Variants in EYS observed in about 807,000 individuals in gnomAD.
The protein encoded by EYS is protein eyes shut homolog.
A neutral mutation model predicts 282.1 loss-of-function variants in EYS; 250 were observed. That is an observed-to-expected ratio of 0.89 (90% CI 0.80 to 0.98). The LOEUF (loss-of-function observed/expected upper bound fraction) is 0.98, where lower values mean the gene tolerates loss of function less well. EYS is among the 50% of genes least tolerant of loss of function. The pLI, the probability that EYS is intolerant of heterozygous loss-of-function variation, is 0.00. For missense variants in EYS, 4,016 were observed against 3,709.0 expected (o/e 1.08, Z -2.15); for synonymous variants, 1,355 against 1,282.9 (o/e 1.06, Z -1.20).
At chr6:65,008,167 A>G (rs1370145084) in intron 13 of EYS, among the ~76,000 whole-genome samples, 1 of 152,160 alleles carries the variant, frequency 6.6e-6, no homozygotes, top group Non-Finnish European at 1.5e-5. Context: ...AACTAGGAAG[A>G]CTATGAATTA....
At chr6:64,170,614 T>C (rs1234517801) in intron 31 of EYS, among the ~76,000 whole-genome samples, 1 of 150,758 alleles carries the variant, frequency 6.6e-6, no homozygotes, top group Non-Finnish European at 1.5e-5. Flanking sequence ...TCTCTCCTTA[T>C]AGCAGCACCA....
intron 26 of EYS, among the ~76,000 whole-genome samples, chr6:64,453,168 C>T (rs575993337): frequency 2.3e-4 from 35 of 149,392 alleles, no homozygotes; most frequent in African/African-American, 8.8e-4. Flanking sequence ...AAGAAAAAAA[C>T]AAACAACCCC....
At chr6:64,751,519 C>A (rs1278586844) in intron 22 of EYS, among the ~76,000 whole-genome samples, 1 of 152,192 alleles carries the variant, frequency 6.6e-6, no homozygotes, top group Non-Finnish European at 1.5e-5. Flanking sequence ...CCTGGTCCAG[C>A]TCCAGGCAGC....
At chr6:65,263,892 A>G (rs1767683364) in intron 12 of EYS, among the ~76,000 whole-genome samples, 2 of 152,058 alleles carry the variant, frequency 1.3e-5, no homozygotes. Flanking sequence ...AGCGTGGGCA[A>G]CACAGTAAGA....
At chr6:65,087,403 C>G (rs1774415710) in intron 12 of EYS, among the ~76,000 whole-genome samples, 1 of 152,098 alleles carries the variant, frequency 6.6e-6, no homozygotes, top group African/African-American at 2.4e-5. Context: ...TCTTAGTTTT[C>G]CTGTGTGCAG....
chr6:63,768,291 C>T (rs1446896658), intron 40 of EYS, among the ~76,000 whole-genome samples: 1 of 151,828 alleles, frequency 6.6e-6, no homozygotes, highest in African/African-American at 2.4e-5. Flanking sequence ...AACAGACAAC[C>T]TACAAAATGG....
rs533253632 is a variant in EYS at position 65,167,565 on chromosome 6, T to C, written c.2024-109838A>G. 3.6e-4 allele frequency among the ~76,000 whole-genome samples: 55 copies of C among 151,360 alleles called. 1 individual carries two copies. In the South Asian group the frequency reaches 0.011, roughly 29 times the overall value. ...ATGCCCAGGGGACTATATAGGTACA[T>C]GGATACACAGATATATAGATGGATT... On this transcript the variant is annotated intron_variant, in intron 12 of 42. Coordinates refer to ENST00000503581, the MANE Select transcript of EYS (RefSeq NM_001142800.2).
chr6:65,545,192 G>A (rs1314720959), intron 2 of EYS, among the ~76,000 whole-genome samples: 1 of 150,790 alleles, frequency 6.6e-6, no homozygotes, highest in Non-Finnish European at 1.5e-5. Context: ...CAAAGTTCTA[G>A]AATTACAGGT....
chr6:65,441,511 T>C (rs565113277), intron 5 of EYS, among the ~76,000 whole-genome samples: 1 of 152,038 alleles, frequency 6.6e-6, no homozygotes, highest in Non-Finnish European at 1.5e-5. Context: ...AAAAATTCAC[T>C]AAACAGTTAG....
rs1355756827 is a variant in EYS, at chr6:64,436,237, T to G, written c.5864A>C (p.Lys1955Thr). The change falls in exon 28 of 43, where the codon AAA (lysine) becomes ACA (threonine). Residue 1955 changes from lysine to threonine, a missense_variant. Transcript: ENST00000503581. ...AACAGTAGTATTAATGCTTTTAAAT[T>G]TTGCTTCACCAGGACAGTAAAAGTG... ...KYHFYCPGEA[K>T]FKSINTTVRV... is the part of the protein sequence containing the mutation. 1 of 1,543,922 alleles carries G rather than the reference T, an allele frequency of 6.5e-7. No homozygotes were observed. Among genetic ancestry groups the G allele is most frequent in the East Asian group, 2.5e-5 (1 of 40,684 alleles).
chr6:65,403,469 A>T (rs1178049853), intron 6 of EYS, among the ~76,000 whole-genome samples: 1 of 151,956 alleles, frequency 6.6e-6, no homozygotes, highest in Admixed American at 6.6e-5. Flanking sequence ...ATTTATTAAG[A>T]TTCCAAGGTA....
chr6:65,267,749 A>C (rs1767796447), intron 12 of EYS, among the ~76,000 whole-genome samples: 1 of 152,012 alleles, frequency 6.6e-6, no homozygotes, highest in Admixed American at 6.6e-5. Context: ...GAATCAAAAT[A>C]CCAAAACTTT....
intron 31 of EYS, among the ~76,000 whole-genome samples, chr6:64,161,005 G>T (rs1392736511): frequency 1.3e-5 from 2 of 152,084 alleles, no homozygotes; most frequent in Non-Finnish European, 2.9e-5. Flanking sequence ...CATTATAAAT[G>T]ATTTTATTCA....
At chr6:64,837,635 TATATG>T (rs1488716184) in intron 19 of EYS, among the ~76,000 whole-genome samples, 1 of 145,598 alleles carries the variant, frequency 6.9e-6, no homozygotes, top group African/African-American at 2.5e-5. Context: ...ATATGATAGA[TATATG>T]ATATATATGA....
At chr6:63,997,627 C>T (rs1405544474) in intron 34 of EYS, among the ~76,000 whole-genome samples, 1 of 152,136 alleles carries the variant, frequency 6.6e-6, no homozygotes, top group African/African-American at 2.4e-5. Flanking sequence ...ATTCTACTCC[C>T]CTGTGTGTGC....
At chr6:63,726,407 A>G in intron 42 of EYS, 112 bp downstream of exon 42, 1 of 927,120 alleles carries the variant, frequency 1.1e-6, no homozygotes, top group Non-Finnish European at 1.6e-6. Flanking sequence ...AATAGAACAT[A>G]AAAGCATCAA....
chr6:65,327,801 T>C (rs1404309319), intron 11 of EYS, among the ~76,000 whole-genome samples: 5 of 151,680 alleles, frequency 3.3e-5, no homozygotes, highest in Non-Finnish European at 3.0e-5. Context: ...TTTGCACTCA[T>C]ACACAGAATT....
At chr6:64,220,627 A>G (rs975484219) in intron 31 of EYS, among the ~76,000 whole-genome samples, 1 of 152,180 alleles carries the variant, frequency 6.6e-6, no homozygotes, top group African/African-American at 2.4e-5. Context: ...CAATCAGGAC[A>G]TGGTAGGAAA....
intron 26 of EYS, among the ~76,000 whole-genome samples, chr6:64,534,006 G>T (rs2149795021): frequency 6.6e-6 from 1 of 151,956 alleles, no homozygotes; most frequent in East Asian, 1.9e-4. Context: ...TCATAAAGTT[G>T]TTGGGGCAGG....
Sources: allele counts gnomAD v4.1 joint callset (sites outside exome capture counted in the v4.1 genomes callset), GRCh38; gene constraint gnomAD v4.1.1; transcripts MANE v1.5; gene names NCBI Gene and HGNC (gene_info 2026-07-23, HGNC 2026-07-21).